Variants in MAPT observed in about 807,000 individuals in gnomAD.
MAPT encodes microtubule associated protein tau, also known as microtubule-associated protein tau.
In MAPT, 34 loss-of-function variants were observed where a neutral mutation model predicts 67.9. The observed-to-expected ratio is 0.50, with a 90% CI of 0.38 to 0.67. MAPT has a LOEUF of 0.67. Among genes scored for constraint, MAPT ranks in the 30% least tolerant of loss-of-function variants. The pLI, the probability that MAPT is intolerant of heterozygous loss-of-function variation, is 0.00. For synonymous variants in MAPT, 456 were observed against 464.5 expected (o/e 0.98, Z 0.23); for missense variants, 881 against 1,115.2 (o/e 0.79, Z 2.99).
intron 2 of MAPT, among the ~76,000 whole-genome samples, chr17:45,968,124 C>A (rs138323930): frequency 6.6e-6 from 1 of 152,176 alleles, no homozygotes; most frequent in Non-Finnish European, 1.5e-5. Flanking sequence ...CAAGCCAATT[C>A]TGGTACCCAG....
At chr17:45,980,333 T>C (rs2072811284) in intron 4 of MAPT, 1 of 151,998 alleles carries the variant, frequency 6.6e-6, no homozygotes, top group African/African-American at 2.4e-5. Context: ...AAACCCCGTC[T>C]TTACTAAAAA....
chr17:45,933,950 G>T (rs1450727277), intron 1 of MAPT, among the ~76,000 whole-genome samples: 1 of 151,314 alleles, frequency 6.6e-6, no homozygotes, highest in African/African-American at 2.4e-5. Context: ...AATTCTAGCA[G>T]ATTTTTCTTA....
intron 2 of MAPT, among the ~76,000 whole-genome samples, chr17:45,966,346 G>A (rs1308031930): frequency 2.6e-5 from 4 of 152,136 alleles, no homozygotes; most frequent in Admixed American, 6.5e-5. Context: ...CCAGCACTTC[G>A]GAAGGCTGAG....
In MAPT at chr17:46,027,361, T is replaced by G. The variant is rs1272786177; in HGVS notation, c.*3190T>G. ...TAAATGAGGACAATCCCCCCAGGGCTGGGCACTCCTCCCCTCCCCTCACTT... is the reference window on the plus strand; with the variant it reads ...TAAATGAGGACAATCCCCCCAGGGCGGGGCACTCCTCCCCTCCCCTCACTT... On this transcript the variant is annotated 3_prime_UTR_variant, in exon 13 of 13. Coordinates refer to ENST00000262410, the MANE Select transcript of MAPT (RefSeq NM_001377265.1). 1 of 152,952 alleles carries G rather than the reference T, an allele frequency of 6.5e-6. No individual in the cohort carries two copies. Among genetic ancestry groups the G allele is most frequent in the Non-Finnish European group, 1.5e-5 (1 of 68,314 alleles). 9.5% of individuals were successfully genotyped at this position (152,952 alleles called of 1,614,324 possible). A position where few individuals can be genotyped will look rare whatever the true frequency, so the allele number is the denominator to read the frequency against.
chr17:45,912,942 AAG>A (rs2064903682), intron 1 of MAPT, among the ~76,000 whole-genome samples: 1 of 152,190 alleles, frequency 6.6e-6, no homozygotes, highest in African/African-American at 2.4e-5. Flanking sequence ...CTCTAGACAA[AAG>A]AGAGGGCAGT....
chr17:46,009,805 T>G (rs2075699288), intron 9 of MAPT, among the ~76,000 whole-genome samples: 1 of 152,160 alleles, frequency 6.6e-6, no homozygotes, highest in Non-Finnish European at 1.5e-5. Context: ...GGGCTGAGAT[T>G]GTAAAAATCC....
intron 1 of MAPT, among the ~76,000 whole-genome samples, chr17:45,956,270 A>G (rs1193635109): frequency 1.3e-5 from 2 of 152,032 alleles, no homozygotes; most frequent in East Asian, 3.9e-4. Flanking sequence ...AGGGAAGAGA[A>G]CTTTCCTCAC....
In MAPT at chr17:46,028,115, G is replaced by A; in HGVS notation, c.*3944G>A. 1 of 147,176 alleles carries A rather than the reference G, an allele frequency of 6.8e-6. No individual in the cohort carries two copies. The allele number at this position is 147,176 out of a possible 1,614,324, so 9.1% of individuals were successfully genotyped here. A position where few individuals can be genotyped will look rare whatever the true frequency, so the allele number is the denominator to read the frequency against. ...AGAGCCTCACCTCCTAATAGACTTA[G>A]CCCCATGAGTTTGCCATGTTGAGCA... On this transcript the variant is annotated 3_prime_UTR_variant, in exon 13 of 13. Transcript: ENST00000262410.
At position 45,996,040 on chromosome 17, in the gene MAPT, C is replaced by T. The variant is rs1007296770; in HGVS notation, c.1733-359C>T. 2.0e-5 allele frequency among the ~76,000 whole-genome samples: 3 copies of T among 152,188 alleles called. No individual in the cohort carries two copies. The highest frequency in any genetic ancestry group is 2.9e-5 in the Non-Finnish European group (2 of 68,034). On this transcript the variant is annotated intron_variant, in intron 8 of 12. Coordinates refer to ENST00000262410, the MANE Select transcript of MAPT (RefSeq NM_001377265.1). This position sits in a 1 kb window ranked among gnomAD's most constrained non-coding sequence, Gnocchi z 4.5. ...TATTTCCATTTTCAAATTAAGGCCT[C>T]TGAGCTCAGAGAGGGGAAGTTACTT...
chr17:45,974,997 A>G (rs2072172115), intron 3 of MAPT: 1 of 158,084 alleles, frequency 6.3e-6, no homozygotes, highest in South Asian at 1.9e-4. Flanking sequence ...TCCTTTTCAA[A>G]CGTATTCATG....
At chr17:45,984,886 A>G (rs1304525957) in intron 5 of MAPT, among the ~76,000 whole-genome samples, 1 of 152,246 alleles carries the variant, frequency 6.6e-6, no homozygotes, top group East Asian at 1.9e-4. Context: ...AGCATTTCAC[A>G]GTTATTTGCA....
intron 1 of MAPT, among the ~76,000 whole-genome samples, chr17:45,926,946 T>G (rs569645153): frequency 2.8e-5 from 3 of 108,136 alleles, no homozygotes; most frequent in African/African-American, 8.1e-5. Context: ...CACATATATA[T>G]ACATATATGT....
At chr17:45,984,740 C>T (rs1360002932) in intron 5 of MAPT, among the ~76,000 whole-genome samples, 1 of 152,184 alleles carries the variant, frequency 6.6e-6, no homozygotes, top group East Asian at 1.9e-4. Context: ...CTTGAGCCCT[C>T]AGGAGCACGA....
rs1390151841 is a variant in MAPT at position 45,983,226 on chromosome 17, G to A, written c.647G>A (p.Gly216Asp). 2 of 1,606,152 alleles carry A rather than the reference G, an allele frequency of 1.2e-6. No individual in the cohort carries two copies. The highest frequency in any genetic ancestry group is 1.3e-5 in the African/African-American group (1 of 74,810). Reference protein sequence around the residue: ...VVQEGFLREPGPPGLSHQLMS... With the variant: ...VVQEGFLREPDPPGLSHQLMS... ...CAGGAAGGCTTCCTCCGAGAGCCAG[G>A]CCCCCCAGGTCTGAGCCACCAGCTC... is the stretch of plus-strand genomic sequence containing the variant. The change falls in exon 5 of 13, where the codon GGC becomes GAC. Residue 216 changes from glycine (G) to aspartate (D), a missense_variant. Coordinates refer to ENST00000262410, the MANE Select transcript of MAPT (RefSeq NM_001377265.1).
rs533046740 is a variant in MAPT, at chr17:45,990,552, GTTGTAGTTAGCT to G, written c.1605+478_1605+489del. 7.9e-4 allele frequency: 334 copies of G among 422,418 alleles called. 2 individuals are homozygous for G. Among genetic ancestry groups the G allele is most frequent in the African/African-American group, 6.4e-3 (308 of 48,342 alleles). The allele number at this position is 422,418 out of a possible 1,614,324, so 26.2% of individuals were successfully genotyped here. On this transcript the variant is annotated intron_variant, in intron 7 of 12. Transcript: ENST00000262410. The stretch of plus-strand genomic sequence containing the variant: ...GATTGCTTGAACCCCAGAGGCAGAG[GTTGTAGTTAGCT>G]CCAGCTTGGGCGACAGAGCAAGACC...
chr17:45,916,363 G>A (rs1024819952), intron 1 of MAPT, among the ~76,000 whole-genome samples: 14 of 152,152 alleles, frequency 9.2e-5, no homozygotes, highest in Non-Finnish European at 1.3e-4. Flanking sequence ...AGCCTGCCCC[G>A]CTGTTTATTA....
intron 5 of MAPT, among the ~76,000 whole-genome samples, chr17:45,986,723 C>T (rs2073578355): frequency 6.6e-6 from 1 of 152,192 alleles, no homozygotes; most frequent in Admixed American, 6.5e-5. Context: ...AGGGAGACTG[C>T]ACCTTCCTTA....
In MAPT at chr17:45,915,570, G is replaced by GCGTGGCA. The variant is rs1568154609; in HGVS notation, c.-18+20884_-18+20885insCGTGGCA. On this transcript the variant is annotated intron_variant, in intron 1 of 12. Coordinates refer to ENST00000262410, the MANE Select transcript of MAPT (RefSeq NM_001377265.1). The surrounding 1 kb of genome is among the most constrained non-coding windows in gnomAD (Gnocchi z 4.4). ...TGTGTGTTGTGTGTGTGGTGCATGTGTGTGGCGTGTGAGCGTGTGTGTGCA... is the reference window on the plus strand; with the variant it reads ...TGTGTGTTGTGTGTGTGGTGCATGTGCGTGGCATGTGGCGTGTGAGCGTGTGTGTGCA... Among the ~76,000 whole-genome samples, 4 of 151,624 alleles carry GCGTGGCA rather than the reference G, an allele frequency of 2.6e-5. No homozygotes were observed. Among genetic ancestry groups the GCGTGGCA allele is most frequent in the African/African-American group, 7.3e-5 (3 of 41,202 alleles).
At position 45,944,256 on chromosome 17, in the gene MAPT, G is replaced by T. The variant is rs1212531610; in HGVS notation, c.-17-18065G>T. Among the ~76,000 whole-genome samples the T allele has an allele frequency of 2.6e-5, 4 of 152,164 alleles. 1 individual carries two copies. In the South Asian group the frequency reaches 8.3e-4, roughly 32 times the overall value. On this transcript the variant is annotated intron_variant, in intron 1 of 12. Coordinates refer to ENST00000262410, the MANE Select transcript of MAPT (RefSeq NM_001377265.1). ...GGCCCAGCCTCAACAGCTAGCCAGT[G>T]GACCCCACCAGGGCTTCTGACTCCA...
Sources: allele counts gnomAD v4.1 joint callset (sites outside exome capture counted in the v4.1 genomes callset), GRCh38; gene constraint gnomAD v4.1.1; non-coding constraint Gnocchi (gnomAD v3.1); transcripts MANE v1.5; gene names NCBI Gene and HGNC (gene_info 2026-07-23, HGNC 2026-07-21).